The following ANKRD26 variants were observed in gnomAD, a reference collection of about 807,000 sequenced individuals.
The protein encoded by ANKRD26 is ankyrin repeat domain 26.
In ANKRD26, 141 loss-of-function variants were observed where a neutral mutation model predicts 208.7. The observed-to-expected ratio is 0.68, with a 90% CI of 0.59 to 0.78. ANKRD26 has a LOEUF of 0.78. Among genes scored for constraint, ANKRD26 ranks in the 30% least tolerant of loss-of-function variants. The probability of loss-of-function intolerance (pLI) is 0.00; values close to 1 mark genes in which losing one functional copy is unlikely to be tolerated. For missense variants in ANKRD26, 1,889 were observed against 1,938.7 expected, an observed-to-expected ratio of 0.97 and a Z score of 0.48; for synonymous variants, 636 against 660.4, an observed-to-expected ratio of 0.96 and a Z score of 0.57.
At chr10:27,045,781 G>A (rs935604323) in intron 18 of ANKRD26, among the ~76,000 whole-genome samples, 1 of 151,990 alleles carries the variant, frequency 6.6e-6, no homozygotes, top group African/African-American at 2.4e-5. Flanking sequence ...ATCCATATAT[G>A]ATAGTTTAAC....
At chr10:27,035,992 T>A (rs891772585) in intron 23 of ANKRD26, among the ~76,000 whole-genome samples, 9 of 151,736 alleles carry the variant, frequency 5.9e-5, no homozygotes, top group African/African-American at 2.2e-4. Context: ...CACTAGAAAA[T>A]TTTTAAGAAT....
chr10:27,008,145 A>G (rs2052957344), intron 32 of ANKRD26, among the ~76,000 whole-genome samples: 1 of 152,062 alleles, frequency 6.6e-6, no homozygotes, highest in South Asian at 2.1e-4. Flanking sequence ...CTCTCACTAA[A>G]TACCCAGAAC....
At chr10:26,978,487 T>C (rs185043555) in intron 5 of ANKRD26, among the ~76,000 whole-genome samples, 5 of 152,086 alleles carry the variant, frequency 3.3e-5, no homozygotes, top group African/African-American at 1.2e-4. Context: ...ATAAAATGTT[T>C]GGCTTATAGA....
At chr10:27,028,466 G>T (rs1347009538) in intron 27 of ANKRD26, among the ~76,000 whole-genome samples, 1 of 150,956 alleles carries the variant, frequency 6.6e-6, no homozygotes, top group South Asian at 2.1e-4. Flanking sequence ...GTGTGGTGGC[G>T]GGCTCCTGTA....
At chr10:26,986,301 T>C (rs1437322848) in intron 3 of ANKRD26, among the ~76,000 whole-genome samples, 1 of 152,214 alleles carries the variant, frequency 6.6e-6, no homozygotes, top group African/African-American at 2.4e-5. Flanking sequence ...AAGACTTAAA[T>C]GTTAAACCTA....
chr10:26,972,805 T>C (rs375426340), downstream of ANKRD26, among the ~76,000 whole-genome samples: 205 of 152,220 alleles, frequency 1.3e-3, no homozygotes, highest in African/African-American at 4.6e-3. Flanking sequence ...TTAGCCAGGA[T>C]GGTCTCGATC....
chr10:26,975,284 G>A (rs1024464284), exon 6 of ANKRD26, among the ~76,000 whole-genome samples: 19 of 151,956 alleles, frequency 1.3e-4, no homozygotes, highest in African/African-American at 4.6e-4. Context: ...ACTGAAGTAT[G>A]GTGGTGTGAT....
intron 15 of ANKRD26, among the ~76,000 whole-genome samples, chr10:27,054,797 A>G (rs2054786599): frequency 1.3e-5 from 2 of 152,212 alleles, no homozygotes; most frequent in Admixed American, 6.5e-5. Context: ...GCAGTTGAGT[A>G]ATCCCAGAGA....
chr10:27,006,499 C>A (rs182621034), intron 33 of ANKRD26, among the ~76,000 whole-genome samples: 201 of 152,308 alleles, frequency 1.3e-3, no homozygotes, highest in African/African-American at 4.6e-3. Context: ...TGCTTATGAA[C>A]TGTAATTCCA....
At chr10:27,021,622 A>G (rs1191722830) in intron 29 of ANKRD26, among the ~76,000 whole-genome samples, 1 of 152,136 alleles carries the variant, frequency 6.6e-6, no homozygotes, top group Non-Finnish European at 1.5e-5. Context: ...TTTTTTGCCT[A>G]CTTTTGAATT....
At chr10:27,081,564 T>C (rs1460752348) in intron 6 of ANKRD26, among the ~76,000 whole-genome samples, 1 of 152,156 alleles carries the variant, frequency 6.6e-6, no homozygotes, top group Non-Finnish European at 1.5e-5. Flanking sequence ...TAAACACAGA[T>C]TGAAGTACTA....
At chr10:27,047,985 A>T (rs2054516646) in intron 17 of ANKRD26, among the ~76,000 whole-genome samples, 1 of 151,980 alleles carries the variant, frequency 6.6e-6, no homozygotes, top group Non-Finnish European at 1.5e-5. Context: ...CAAGTGATCC[A>T]CTTGCCTCGG....
intron 4 of ANKRD26, among the ~76,000 whole-genome samples, chr10:27,087,352 G>A (rs1369358496): frequency 6.6e-6 from 1 of 152,202 alleles, no homozygotes; most frequent in African/African-American, 2.4e-5. Flanking sequence ...CAAATGCTCA[G>A]AGAAATAGTA....
chr10:26,985,730 G>C (rs933543858), intron 3 of ANKRD26, among the ~76,000 whole-genome samples: 1 of 152,114 alleles, frequency 6.6e-6, no homozygotes, highest in Non-Finnish European at 1.5e-5. Context: ...CCCCAAGAAG[G>C]TTAAATATCC....
chr10:27,006,794 A>G, intron 33 of ANKRD26, 123 bp downstream of exon 33: 1 of 765,236 alleles, frequency 1.3e-6, no homozygotes, highest in Non-Finnish European at 2.3e-6. Context: ...TGTGTGTAAG[A>G]AAGAACATTT....
intron 4 of ANKRD26, among the ~76,000 whole-genome samples, chr10:26,995,851 T>C (rs576490818): frequency 9.8e-5 from 15 of 152,294 alleles, no homozygotes; most frequent in South Asian, 2.1e-4. Context: ...CATCCACGTA[T>C]TGGATGAGCA....
At chr10:27,041,001 A>G (rs1327203073) in intron 20 of ANKRD26, among the ~76,000 whole-genome samples, 1 of 151,540 alleles carries the variant, frequency 6.6e-6, no homozygotes, top group East Asian at 1.9e-4. Flanking sequence ...ACTGTACTCC[A>G]GCCTGGGCAA....
intron 9 of ANKRD26, among the ~76,000 whole-genome samples, chr10:27,068,522 G>C (rs2055349448): frequency 6.6e-6 from 1 of 152,176 alleles, no homozygotes; most frequent in Non-Finnish European, 1.5e-5. Flanking sequence ...AAAAGGATGA[G>C]GCATGAAACA....
rs1005431045 is a variant in ANKRD26 at position 27,100,283 on chromosome 10, G to A, written c.44C>T (p.Ser15Phe). 1.2e-6 allele frequency: 2 copies of A among 1,609,898 alleles called. No homozygotes were observed. Among genetic ancestry groups the A allele is most frequent in the African/African-American group, 1.3e-5 (1 of 75,018 alleles). The change falls in exon 1 of 34, where the codon TCC becomes TTC. Residue 15 changes from serine to phenylalanine, a missense_variant. Around this residue, in one of 3 missense-constraint regions of ANKRD26, gnomAD observed 1,272 missense variants for 1,273.8 expected, o/e 1.00. Coordinates refer to ENST00000376087, the MANE Select transcript of ANKRD26 (RefSeq NM_014915.3). The part of the protein sequence containing the change: ...FSKKGESPLG[S>F]FARRQRSSAG... Reference sequence around the variant, plus strand: ...GCTGCTCCTCTGCCGCCGCGCGAAGGAGCCCAAGGGCGACTCGCCCTTCTT... The same window carrying A: ...GCTGCTCCTCTGCCGCCGCGCGAAGAAGCCCAAGGGCGACTCGCCCTTCTT...
Sources: gnomAD v4.1 joint callset for allele counts (sites outside exome capture counted in the v4.1 genomes callset) on GRCh38, gnomAD v4.1.1 for gene constraint, gnomAD v4.1.1 regional missense constraint, MANE v1.5 for transcripts, NCBI Gene and HGNC (gene_info 2026-07-23, HGNC 2026-07-21) for gene names.